Variants in HMBOX1 observed in about 807,000 individuals in gnomAD.
HMBOX1 encodes homeobox containing 1, also known as homeobox-containing protein 1.
A neutral mutation model predicts 54.5 loss-of-function variants in HMBOX1; 14 were observed. The ratio of observed to expected loss-of-function variants is 0.26; its 90% CI spans 0.17 to 0.40. The LOEUF (loss-of-function observed/expected upper bound fraction) is 0.40. HMBOX1 is among the 10% of genes least tolerant of loss of function. HMBOX1 has a pLI of 1.00. For synonymous variants in HMBOX1, 160 were observed against 181.0 expected, an observed-to-expected ratio of 0.88 and a Z score of 0.93; for missense variants, 332 against 514.4, an observed-to-expected ratio of 0.65 and a Z score of 3.43.
intron 1 of HMBOX1, among the ~76,000 whole-genome samples, chr8:28,938,391 A>G (rs956642851): frequency 1.3e-5 from 2 of 152,320 alleles, no homozygotes; most frequent in East Asian, 3.9e-4. Flanking sequence ...CTGCAGTAAA[A>G]TAAAATATTC....
chr8:28,950,104 C>T lies in HMBOX1; in HGVS notation c.-57-13707C>T, dbSNP rs143936707. Among the ~76,000 whole-genome samples, 8 of 152,286 alleles carry T rather than the reference C, an allele frequency of 5.3e-5. No homozygotes were observed. The East Asian group carries it at 1.5e-3, about 29-fold the overall frequency. On this transcript the variant is annotated intron_variant, in intron 1 of 9. Transcript: ENST00000287701. The stretch of plus-strand genomic sequence containing the variant: ...AATGTATTTCATCAAGTATTCAGCT[C>T]GGAATGCCAGTATGTATGTCTTTAT...
At chr8:28,953,649 C>G (rs1823908249) in intron 1 of HMBOX1, among the ~76,000 whole-genome samples, 1 of 151,742 alleles carries the variant, frequency 6.6e-6, no homozygotes, top group Non-Finnish European at 1.5e-5. Context: ...ATTTGGAAAT[C>G]AGATATTGGC....
chr8:28,979,033 G>T (rs1255123898), intron 3 of HMBOX1, among the ~76,000 whole-genome samples: 1 of 152,182 alleles, frequency 6.6e-6, no homozygotes, highest in East Asian at 1.9e-4. Context: ...CTGTGAAAAT[G>T]ATCCTTAGCT....
At chr8:28,899,583 C>T (rs975766508) in intron 1 of HMBOX1, among the ~76,000 whole-genome samples, 10 of 152,150 alleles carry the variant, frequency 6.6e-5, no homozygotes, top group Admixed American at 5.9e-4. Flanking sequence ...GATCTGGCAA[C>T]AAAAGAATTG....
intron 1 of HMBOX1, chr8:28,915,567 AAAAAAAAAAAAAG>A (rs1816378561): frequency 4.0e-5 from 1 of 25,146 alleles, no homozygotes; most frequent in Non-Finnish European, 1.2e-4. Context: ...AAAAAAAAAA[AAAAAAAAAAAAAG>A]AGACAGAGTC....
chr8:28,939,949 T>A (rs1821076004), intron 1 of HMBOX1, among the ~76,000 whole-genome samples: 1 of 152,222 alleles, frequency 6.6e-6, no homozygotes, highest in African/African-American at 2.4e-5. Context: ...TTACGCATGA[T>A]GTTCCCTTTG....
chr8:28,986,099 A>G (rs546790202), intron 4 of HMBOX1, among the ~76,000 whole-genome samples: 1 of 151,720 alleles, frequency 6.6e-6, no homozygotes, highest in East Asian at 1.9e-4. Context: ...TCTCCCCTCA[A>G]CTCCTGGCAA....
At chr8:28,941,516 G>A (rs1322029375) in intron 1 of HMBOX1, among the ~76,000 whole-genome samples, 1 of 151,836 alleles carries the variant, frequency 6.6e-6, no homozygotes, top group African/African-American at 2.4e-5. Context: ...AAAAAACCTG[G>A]CACTTAATCA....
At chr8:28,990,655 GT>G (rs913627689) in intron 4 of HMBOX1, among the ~76,000 whole-genome samples, 1 of 151,694 alleles carries the variant, frequency 6.6e-6, no homozygotes, top group African/African-American at 2.4e-5. Context: ...TTGTTTGTTT[GT>G]TTTTTTGTTT....
At position 29,029,713 on chromosome 8, in the gene HMBOX1, G is replaced by C. The variant is rs151067505; in HGVS notation, c.851+10800G>C. 3.2e-3 allele frequency among the ~76,000 whole-genome samples: 492 copies of C among 152,250 alleles called. 7 individuals are homozygous for C. Among genetic ancestry groups the C allele is most frequent in the African/African-American group, 0.011 (459 of 41,560 alleles). ...GCTTATTTTGAGAACTTACGGTTAC[G>C]GGAACCGTAAAATATGATTTGAAGA... On this transcript the variant is annotated intron_variant, in intron 6 of 9. Transcript: ENST00000287701.
chr8:28,897,271 C>G (rs1298929694), intron 1 of HMBOX1, among the ~76,000 whole-genome samples: 3 of 151,580 alleles, frequency 2.0e-5, no homozygotes, highest in East Asian at 1.9e-4. Flanking sequence ...GCGTAAGCCA[C>G]TGGTCGGCTA....
intron 4 of HMBOX1, among the ~76,000 whole-genome samples, chr8:28,999,520 G>A (rs1832327202): frequency 6.6e-6 from 1 of 151,884 alleles, no homozygotes; most frequent in Admixed American, 6.6e-5. Context: ...TGTGTATGTT[G>A]GTAAGCCTAA....
chr8:28,968,997 A>C (rs893659826), intron 2 of HMBOX1, among the ~76,000 whole-genome samples: 6 of 152,140 alleles, frequency 3.9e-5, no homozygotes, highest in African/African-American at 9.7e-5. Flanking sequence ...AACATGTTGA[A>C]ACCCCATCTC....
At chr8:29,011,541 G>A (rs1293243059) in intron 5 of HMBOX1, among the ~76,000 whole-genome samples, 3 of 152,156 alleles carry the variant, frequency 2.0e-5, no homozygotes, top group Non-Finnish European at 4.4e-5. Context: ...TTCCCGCACT[G>A]GAGTTTCGGG....
chr8:29,018,194 A>C (rs1005640088), intron 5 of HMBOX1, among the ~76,000 whole-genome samples: 3 of 152,228 alleles, frequency 2.0e-5, no homozygotes, highest in African/African-American at 7.2e-5. Flanking sequence ...TCTAGCCTAG[A>C]GCAAGCCACT....
chr8:28,929,076 A>G (rs1288173651), intron 1 of HMBOX1, among the ~76,000 whole-genome samples: 3 of 152,342 alleles, frequency 2.0e-5, no homozygotes, highest in Middle Eastern at 3.4e-3. Flanking sequence ...TTCACAATGT[A>G]TACATATATC....
chr8:28,896,256 G>A (rs992950280), intron 1 of HMBOX1, among the ~76,000 whole-genome samples: 1 of 152,158 alleles, frequency 6.6e-6, no homozygotes, highest in Non-Finnish European at 1.5e-5. Flanking sequence ...AAAATAGAGA[G>A]GGCACTGTAA....
At chr8:28,938,032 A>G (rs1404299049) in intron 1 of HMBOX1, among the ~76,000 whole-genome samples, 2 of 152,172 alleles carry the variant, frequency 1.3e-5, no homozygotes, top group Non-Finnish European at 2.9e-5. Flanking sequence ...TTAAGCCAGG[A>G]TAACAGGCTT....
intron 4 of HMBOX1, among the ~76,000 whole-genome samples, chr8:29,005,247 A>T (rs561540629): frequency 6.6e-6 from 1 of 152,340 alleles, no homozygotes; most frequent in Non-Finnish European, 1.5e-5. Flanking sequence ...ATTCTTTGCA[A>T]CTATTTGCTT....
Sources: gnomAD v4.1 joint callset for allele counts (sites outside exome capture counted in the v4.1 genomes callset) on GRCh38, gnomAD v4.1.1 for gene constraint, MANE v1.5 for transcripts, NCBI Gene and HGNC (gene_info 2026-07-23, HGNC 2026-07-21) for gene names.